The following PXDNL variants were observed in gnomAD, a reference collection of about 807,000 sequenced individuals.
PXDNL encodes peroxidasin like, also known as probable oxidoreductase PXDNL.
A neutral mutation model predicts 150.8 loss-of-function variants in PXDNL; 145 were observed. That is an observed-to-expected ratio of 0.96 (90% CI 0.84 to 1.10). The LOEUF is 1.10. Ranked by LOEUF, PXDNL falls within the 50% of genes least tolerant of loss-of-function variation. The pLI is 0.00. For synonymous variants in PXDNL, 757 were observed against 725.7 expected, an observed-to-expected ratio of 1.04 and a Z score of -0.69; for missense variants, 2,087 against 1,873.9, an observed-to-expected ratio of 1.11 and a Z score of -2.10.
chr8:51,387,664 G>A (rs147845274), intron 17 of PXDNL, among the ~76,000 whole-genome samples: 31 of 152,198 alleles, frequency 2.0e-4, no homozygotes, highest in Non-Finnish European at 3.8e-4. Flanking sequence ...ATGAATTAAC[G>A]TAATTACTAA....
chr8:51,519,886 A>C (rs1453361469), intron 4 of PXDNL, among the ~76,000 whole-genome samples: 2 of 152,214 alleles, frequency 1.3e-5, no homozygotes, highest in African/African-American at 4.8e-5. Flanking sequence ...GTCTCAGAGC[A>C]GTGAGCCATC....
intron 17 of PXDNL, among the ~76,000 whole-genome samples, chr8:51,387,048 T>TA (rs1807739485): frequency 6.6e-6 from 1 of 152,208 alleles, no homozygotes. Context: ...CCCACTGTTC[T>TA]ACTCTTTCAC....
intron 4 of PXDNL, among the ~76,000 whole-genome samples, chr8:51,513,711 T>C (rs908772860): frequency 5.3e-5 from 8 of 152,234 alleles, no homozygotes; most frequent in African/African-American, 1.9e-4. Flanking sequence ...TTATTCTAAA[T>C]TGGCTTTAGA....
At chr8:51,378,186 G>C (rs891232845) in intron 17 of PXDNL, among the ~76,000 whole-genome samples, 3 of 152,096 alleles carry the variant, frequency 2.0e-5, no homozygotes, top group Non-Finnish European at 4.4e-5. Flanking sequence ...TCTAGCTCAA[G>C]GTCTGTAAAT....
chr8:51,553,053 A>C lies in PXDNL; in HGVS notation c.380+3787T>G, dbSNP rs144426005. On this transcript the variant is annotated intron_variant, in intron 4 of 22. Transcript: ENST00000356297. ...AAGAAAAAAGGAGCAACTGTTCCCAAGTAAGTCCACAATCCAACAGGGTGA... is the reference window on the plus strand; with the variant it reads ...AAGAAAAAAGGAGCAACTGTTCCCACGTAAGTCCACAATCCAACAGGGTGA... Among the ~76,000 whole-genome samples, 37 of 152,378 alleles carry C rather than the reference A, an allele frequency of 2.4e-4. 2 individuals are homozygous for C. Among genetic ancestry groups the C allele is most frequent in the African/African-American group, 8.7e-4 (36 of 41,598 alleles).
At chr8:51,379,081 A>AT (rs1406523328) in intron 17 of PXDNL, among the ~76,000 whole-genome samples, 5 of 151,410 alleles carry the variant, frequency 3.3e-5, no homozygotes, top group Admixed American at 2.6e-4. Flanking sequence ...TGTCCTTCCC[A>AT]TTTTTTTGTC....
chr8:51,354,201 T>A (rs1806437107), intron 19 of PXDNL, among the ~76,000 whole-genome samples: 1 of 152,152 alleles, frequency 6.6e-6, no homozygotes, highest in South Asian at 2.1e-4. Context: ...ATTATCAATG[T>A]CATACTTTAA....
chr8:51,436,754 C>G (rs1809417359), intron 12 of PXDNL, among the ~76,000 whole-genome samples: 1 of 152,058 alleles, frequency 6.6e-6, no homozygotes, highest in Non-Finnish European at 1.5e-5. Flanking sequence ...ACCATGAAGT[C>G]TGAAAGGGCA....
In PXDNL at chr8:51,634,883, T is replaced by A. The variant is rs370273587; in HGVS notation, c.236+19806A>T. On this transcript the variant is annotated intron_variant, in intron 2 of 22. Coordinates refer to ENST00000356297, the MANE Select transcript of PXDNL (RefSeq NM_144651.5). ...CAGTTCTGGGAGCCTTTTGGTGGAA[T>A]CTTTAGGGTTTTGTAGGTACAGAAT... Among the ~76,000 whole-genome samples, 14 of 150,932 alleles carry A rather than the reference T, an allele frequency of 9.3e-5. 1 individual carries two copies. The highest frequency in any genetic ancestry group is 8.8e-5 in the Non-Finnish European group (6 of 67,974).
chr8:51,459,085 T>C (rs1435262026), intron 8 of PXDNL, among the ~76,000 whole-genome samples: 23 of 152,222 alleles, frequency 1.5e-4, no homozygotes, highest in Non-Finnish European at 2.9e-5. Context: ...CCTATCCATA[T>C]CACCCGTGAA....
intron 1 of PXDNL, among the ~76,000 whole-genome samples, chr8:51,795,997 A>G (rs2037556477): frequency 6.6e-6 from 1 of 152,184 alleles, no homozygotes; most frequent in African/African-American, 2.4e-5. Context: ...AACTCCCCAC[A>G]TTCCTTTGTA....
intron 2 of PXDNL, among the ~76,000 whole-genome samples, chr8:51,600,594 A>T (rs1813689857): frequency 7.3e-6 from 1 of 136,324 alleles, no homozygotes; most frequent in Non-Finnish European, 1.5e-5. Context: ...ATCTTATATA[A>T]ATTATATCGT....
At chr8:51,407,061 G>A (rs1164517467) in intron 17 of PXDNL, among the ~76,000 whole-genome samples, 1 of 152,186 alleles carries the variant, frequency 6.6e-6, no homozygotes, top group Non-Finnish European at 1.5e-5. Flanking sequence ...GGTATCCTGA[G>A]ATTGAAAACT....
chr8:51,652,189 A>G (rs1815054288), intron 2 of PXDNL, among the ~76,000 whole-genome samples: 1 of 152,108 alleles, frequency 6.6e-6, no homozygotes. Flanking sequence ...TAAGAGCCAT[A>G]TGGTCAAAAT....
intron 16 of PXDNL, 103 bp downstream of exon 16, chr8:51,411,147 T>C: frequency 1.0e-6 from 1 of 990,926 alleles, no homozygotes; most frequent in Non-Finnish European, 1.4e-6. Flanking sequence ...AATTTCTAAA[T>C]CCCATGATAT....
At chr8:51,345,781 G>T in intron 20 of PXDNL, 52 bp downstream of exon 20, 1 of 1,127,764 alleles carries the variant, frequency 8.9e-7, no homozygotes, top group Non-Finnish European at 1.3e-6. Flanking sequence ...TTGTAGGTTT[G>T]AAGCAAATCT....
At chr8:51,466,850 A>T (rs958082795) in intron 8 of PXDNL, among the ~76,000 whole-genome samples, 1 of 152,238 alleles carries the variant, frequency 6.6e-6, no homozygotes, top group Non-Finnish European at 1.5e-5. Flanking sequence ...GTAATATGCC[A>T]TCTAGCACCT....
chr8:51,721,964 G>A (rs1816740695), intron 1 of PXDNL: 1 of 239,642 alleles, frequency 4.2e-6, no homozygotes, highest in Non-Finnish European at 8.6e-6. Flanking sequence ...CTGTTCATTG[G>A]TTTGTAAACA....
chr8:51,705,894 T>C (rs766550246), intron 1 of PXDNL, among the ~76,000 whole-genome samples: 1 of 152,210 alleles, frequency 6.6e-6, no homozygotes, highest in Non-Finnish European at 1.5e-5. Context: ...CACAAAGATA[T>C]TCATAATTTA....
Sources: gnomAD v4.1 joint callset for allele counts (sites outside exome capture counted in the v4.1 genomes callset) on GRCh38, gnomAD v4.1.1 for gene constraint, MANE v1.5 for transcripts, NCBI Gene and HGNC (gene_info 2026-07-23, HGNC 2026-07-21) for gene names.